The following RASSF3 variants were observed in gnomAD, a reference collection of about 807,000 sequenced individuals.
RASSF3 encodes Ras association domain family member 3.
Under a neutral mutation model 19.9 loss-of-function variants are expected in RASSF3, and 19 were observed. The observed-to-expected ratio is 0.96, with a 90% CI of 0.67 to 1.40. The LOEUF is 1.40. Among genes scored for constraint, RASSF3 ranks in the 40% most tolerant of loss-of-function variants. The pLI is 0.00. For missense variants in RASSF3, 306 were observed against 289.8 expected (o/e 1.06, Z -0.41); for synonymous variants, 110 against 104.2 (o/e 1.06, Z -0.34).
chr12:64,682,768 C>T (rs12306381), intron 1 of RASSF3, among the ~76,000 whole-genome samples: 2,752 of 152,202 alleles, frequency 0.018, 109 homozygotes, highest in African/African-American at 0.063. Flanking sequence ...CCAGTGCCTG[C>T]CTGGAGACTA....
At chr12:64,633,233 G>C (rs562373856) in intron 1 of RASSF3, among the ~76,000 whole-genome samples, 1 of 152,278 alleles carries the variant, frequency 6.6e-6, no homozygotes, top group East Asian at 1.9e-4. Context: ...TTATTCTCTG[G>C]TTTTGACACC....
At chr12:64,595,525 C>T (rs1294156358) in intron 2 of RASSF3, among the ~76,000 whole-genome samples, 1 of 152,170 alleles carries the variant, frequency 6.6e-6, no homozygotes, top group African/African-American at 2.4e-5. Flanking sequence ...CATCTTTGTG[C>T]TTTCATTCCT....
rs2136228973 is a variant in RASSF3, at chr12:64,696,592, A to C, written c.*1680A>C. On this transcript the variant is annotated 3_prime_UTR_variant, in exon 5 of 5. Coordinates refer to ENST00000542104, the MANE Select transcript of RASSF3 (RefSeq NM_178169.4). ...CCAAGGTGCTTCAGTTCTTTGCCCA[A>C]GTGAACTGTGCCTTTTATTGCATTT... The C allele has an allele frequency of 6.6e-6, 1 of 152,024 alleles. No individual in the cohort carries two copies. The highest frequency in any genetic ancestry group is 1.9e-4 in the East Asian group (1 of 5,172). The allele number at this position is 152,024 out of a possible 1,614,324, so 9.4% of individuals were successfully genotyped here. A position where few individuals can be genotyped will look rare whatever the true frequency, so the allele number is the denominator to read the frequency against.
chr12:64,691,845 GT>G lies in RASSF3; in HGVS notation c.567+273del, dbSNP rs924628226. 2.2e-4 allele frequency among the ~76,000 whole-genome samples: 33 copies of G among 150,384 alleles called. 1 individual carries two copies. The highest frequency in any genetic ancestry group is 8.1e-4 in the African/African-American group (33 of 40,986). On this transcript the variant is annotated intron_variant, in intron 4 of 4. Coordinates refer to ENST00000542104, the MANE Select transcript of RASSF3 (RefSeq NM_178169.4). ...ATTTTCAGAGGTGGGAGAAAATAAAGTTTTTTTACTTGATCTCCATCCAGAG... is the reference window on the plus strand; with the variant it reads ...ATTTTCAGAGGTGGGAGAAAATAAAGTTTTTTACTTGATCTCCATCCAGAG...
chr12:64,623,656 T>A (rs1255960627), intron 1 of RASSF3, among the ~76,000 whole-genome samples: 1 of 152,180 alleles, frequency 6.6e-6, no homozygotes, highest in Non-Finnish European at 1.5e-5. Context: ...TTCTTTTATT[T>A]TTTTGAGATG....
intron 3 of RASSF3, among the ~76,000 whole-genome samples, chr12:64,690,731 C>T (rs1868268278): frequency 1.3e-5 from 2 of 151,886 alleles, no homozygotes; most frequent in Non-Finnish European, 2.9e-5. Context: ...AGTGATCCTC[C>T]TGCCTCAGCC....
chr12:64,597,769 G>A (rs1870020356), intron 2 of RASSF3, among the ~76,000 whole-genome samples: 1 of 152,076 alleles, frequency 6.6e-6, no homozygotes, highest in African/African-American at 2.4e-5. Flanking sequence ...TATTTTAAGT[G>A]TTTGATTTAG....
intron 1 of RASSF3, among the ~76,000 whole-genome samples, chr12:64,664,681 T>G (rs1413753982): frequency 6.6e-6 from 1 of 152,202 alleles, no homozygotes; most frequent in Non-Finnish European, 1.5e-5. Context: ...CTGGCTTTTT[T>G]TGTTTAAAAA....
At chr12:64,516,606 G>A (rs550284178) in intron 1 of RASSF3, among the ~76,000 whole-genome samples, 27 of 132,768 alleles carry the variant, frequency 2.0e-4, no homozygotes, top group South Asian at 2.0e-3. Flanking sequence ...GCGACAGAGC[G>A]AGACTCCGTC....
At chr12:64,592,803 A>G (rs1396554491) in intron 2 of RASSF3, among the ~76,000 whole-genome samples, 1 of 151,976 alleles carries the variant, frequency 6.6e-6, no homozygotes, top group Non-Finnish European at 1.5e-5. Context: ...TGCCTGGCTA[A>G]TTTTTATTTT....
chr12:64,695,349 GTTTTC>G lies in RASSF3; in HGVS notation c.*442_*446del, dbSNP rs1475169359. 4 of 153,750 alleles carry G rather than the reference GTTTTC, an allele frequency of 2.6e-5. No homozygotes were observed. Among genetic ancestry groups the G allele is most frequent in the African/African-American group, 9.6e-5 (4 of 41,452 alleles). The allele number at this position is 153,750 out of a possible 1,614,324, so 9.5% of individuals were successfully genotyped here. A position where few individuals can be genotyped will look rare whatever the true frequency, so the allele number is the denominator to read the frequency against. On this transcript the variant is annotated 3_prime_UTR_variant, in exon 5 of 5. Coordinates refer to ENST00000542104, the MANE Select transcript of RASSF3 (RefSeq NM_178169.4). ...CCTGTCTGGTTTTTTGTTTGGTTTT[GTTTTC>G]TTTTTTTAATGTCAGAGGAATCTAT...
At position 64,695,216 on chromosome 12, in the gene RASSF3, TG is replaced by T; in HGVS notation, c.*306del. The T allele has an allele frequency of 3.8e-6, 1 of 259,842 alleles. No individual in the cohort carries two copies. Among genetic ancestry groups the T allele is most frequent in the Non-Finnish European group, 7.3e-6 (1 of 136,700 alleles). The allele number at this position is 259,842 out of a possible 1,614,324, so 16.1% of individuals were successfully genotyped here. A position where few individuals can be genotyped will look rare whatever the true frequency, so the allele number is the denominator to read the frequency against. On this transcript the variant is annotated 3_prime_UTR_variant, in exon 5 of 5. Transcript: ENST00000542104. ...TGAACTCTGGGGGTGTTTTTTTTTT[TG>T]GTTATTTTAATTATGTGATGATGCT...
intron 2 of RASSF3, among the ~76,000 whole-genome samples, chr12:64,586,106 C>T (rs1869794109): frequency 6.6e-6 from 1 of 152,072 alleles, no homozygotes; most frequent in Non-Finnish European, 1.5e-5. Context: ...GGGTGGATCA[C>T]CTGAAGTCAG....
In RASSF3 at chr12:64,691,477, C is replaced by T. The variant is rs764070420; in HGVS notation, c.465C>T (p.Ala155=). The T allele has an allele frequency of 1.9e-6, 3 of 1,611,684 alleles. No homozygotes were observed. In the South Asian group the frequency reaches 3.3e-5, roughly 18 times the overall value. Residue 155 remains alanine (A), a synonymous_variant, in exon 4 of 5, where the codon GCC becomes GCT. Coordinates refer to ENST00000542104, the MANE Select transcript of RASSF3 (RefSeq NM_178169.4). ...GCTTGTTTCTTTACCCAGTCTACGCCTGCAAGCTCTCAGACCGGGAACATC... is the reference window on the plus strand; with the variant it reads ...GCTTGTTTCTTTACCCAGTCTACGCTTGCAAGCTCTCAGACCGGGAACATC... The part of the protein sequence containing the change: ...KRCHREDQVY[A]CKLSDREHPL...
intron 1 of RASSF3, among the ~76,000 whole-genome samples, chr12:64,516,349 G>A (rs1408569081): frequency 1.3e-5 from 2 of 152,210 alleles, no homozygotes; most frequent in African/African-American, 4.8e-5. Context: ...GCCGGGCGCG[G>A]TGGCTCACGC....
At chr12:64,606,870 ACC>A (rs371474096), upstream of RASSF3, among the ~76,000 whole-genome samples, 917 of 151,788 alleles carry the variant, frequency 6.0e-3, 10 homozygotes, top group African/African-American at 0.021. Flanking sequence ...TATTTATTCC[ACC>A]CCCTTCCCTG....
At chr12:64,528,001 G>A (rs1271514739) in intron 1 of RASSF3, among the ~76,000 whole-genome samples, 1 of 152,212 alleles carries the variant, frequency 6.6e-6, no homozygotes, top group African/African-American at 2.4e-5. Context: ...GCTCACGCCT[G>A]TAATCCCAGC....
rs1212927695 is a variant in RASSF3, at chr12:64,670,994, C to G, written c.112-13793C>G. The stretch of plus-strand genomic sequence containing the variant: ...GCAAAATAGGGATGATAGTATTACC[C>G]AATTCCAGGGTTATTGTAAGAATTC... On this transcript the variant is annotated intron_variant, in intron 1 of 4. Transcript: ENST00000542104. 3.9e-5 allele frequency among the ~76,000 whole-genome samples: 6 copies of G among 152,272 alleles called. No homozygotes were observed. The East Asian group carries it at 1.2e-3, about 29-fold the overall frequency.
At chr12:64,631,250 C>T (rs1489493911) in intron 1 of RASSF3, among the ~76,000 whole-genome samples, 1 of 152,048 alleles carries the variant, frequency 6.6e-6, no homozygotes, top group Non-Finnish European at 1.5e-5. Context: ...GAGGTTGGGA[C>T]CACCTCAAGA....
Sources: gnomAD v4.1 joint callset for allele counts (sites outside exome capture counted in the v4.1 genomes callset) on GRCh38, gnomAD v4.1.1 for gene constraint, MANE v1.5 for transcripts, NCBI Gene and HGNC (gene_info 2026-07-23, HGNC 2026-07-21) for gene names.